Variants in SLC28A1 observed in about 807,000 individuals in gnomAD.
SLC28A1 encodes the protein sodium/nucleoside cotransporter 1.
A neutral mutation model predicts 74.8 loss-of-function variants in SLC28A1; 64 were observed. The ratio of observed to expected loss-of-function variants is 0.86; its 90% CI spans 0.70 to 1.05. The LOEUF is 1.05. SLC28A1 is among the 50% of genes least tolerant of loss of function. SLC28A1 has a pLI of 0.00. For missense variants in SLC28A1, 828 were observed against 822.8 expected (o/e 1.01, Z -0.08); for synonymous variants, 359 against 335.0 (o/e 1.07, Z -0.78).
chr15:84,920,139 TCTTGATTAAAAAGA>T (rs1197862832), intron 10 of SLC28A1, among the ~76,000 whole-genome samples: 1 of 152,122 alleles, frequency 6.6e-6, no homozygotes, highest in African/African-American at 2.4e-5. Context: ...GCAGATTTCA[TCTTGATTAAAAAGA>T]AGAGCTTTCT....
chr15:84,912,807 C>CGCGCGT (rs397966761), intron 9 of SLC28A1, among the ~76,000 whole-genome samples: 1 of 9,076 alleles, frequency 1.1e-4, no homozygotes, highest in Non-Finnish European at 3.8e-4. Context: ...TGCGCGCGCG[C>CGCGCGT]ACACACACAC....
At chr15:84,898,795 C>T (rs867855394) in intron 6 of SLC28A1, among the ~76,000 whole-genome samples, 1 of 152,072 alleles carries the variant, frequency 6.6e-6, no homozygotes. Context: ...CAGCTGACTG[C>T]CTGGAGAGCG....
At chr15:84,950,451 C>T (rs537399948), downstream of SLC28A1, among the ~76,000 whole-genome samples, 33 of 150,832 alleles carry the variant, frequency 2.2e-4, no homozygotes, top group Admixed American at 9.9e-4. Context: ...CAGCTAGGCG[C>T]GGTAGCTCAG....
Position 84,945,249 on chromosome 15 carries a change from G to A in SLC28A1, c.*49G>A, listed in dbSNP as rs147004206. ...GCGCTTCTGAGGGCTGTTCTCCCCC[G>A]GGAACCATCTGTCCCCACCTTCCCT... is the stretch of plus-strand genomic sequence containing the variant. On this transcript the variant is annotated 3_prime_UTR_variant, in exon 19 of 19. Coordinates refer to ENST00000394573, the MANE Select transcript of SLC28A1 (RefSeq NM_004213.5). 40 of 1,558,494 alleles carry A rather than the reference G, an allele frequency of 2.6e-5. No homozygotes were observed. The Middle Eastern group carries it at 5.0e-4, about 20-fold the overall frequency.
chr15:84,888,401 C>T (rs1280139240), intron 3 of SLC28A1, among the ~76,000 whole-genome samples: 2 of 140,742 alleles, frequency 1.4e-5, no homozygotes, highest in African/African-American at 2.5e-5. Flanking sequence ...GAATACCCAC[C>T]CCCCACCCAA....
the SLC28A1 span, among the ~76,000 whole-genome samples, chr15:84,974,714 A>G: frequency 2.0e-5 from 3 of 152,280 alleles, no homozygotes; most frequent in South Asian, 4.1e-4. Context: ...TTGTCCAGAT[A>G]TGGATTCCAT....
the SLC28A1 span, among the ~76,000 whole-genome samples, chr15:84,967,355 C>T: frequency 1.3e-5 from 2 of 152,194 alleles, no homozygotes; most frequent in African/African-American, 2.4e-5. Context: ...AAGGCTTCAG[C>T]CTGAGTGGTT....
intron 6 of SLC28A1, among the ~76,000 whole-genome samples, chr15:84,903,209 C>T (rs148192892): frequency 3.9e-5 from 6 of 152,318 alleles, no homozygotes; most frequent in African/African-American, 7.2e-5. Flanking sequence ...TTCAGCTCTT[C>T]GATCTCCTGC....
intron 6 of SLC28A1, among the ~76,000 whole-genome samples, chr15:84,901,087 T>G (rs1001961265): frequency 1.3e-5 from 2 of 152,156 alleles, no homozygotes; most frequent in African/African-American, 4.8e-5. Context: ...CTGGGCGTAG[T>G]GGCGCACACC....
At chr15:84,965,320 G>A in the SLC28A1 span, among the ~76,000 whole-genome samples, 1 of 152,180 alleles carries the variant, frequency 6.6e-6, no homozygotes, top group Non-Finnish European at 1.5e-5. Flanking sequence ...AGAACTGTGA[G>A]TCAATTAAAC....
At chr15:84,950,129 A>G (rs573443016), downstream of SLC28A1, among the ~76,000 whole-genome samples, 1 of 152,304 alleles carries the variant, frequency 6.6e-6, no homozygotes, top group Admixed American at 6.5e-5. Flanking sequence ...TTTAGGAAAG[A>G]GACTCTGCAA....
rs1017863011 is a variant in SLC28A1, at chr15:84,935,423, A to T, written c.1486A>T (p.Asn496Tyr). Residue 496 changes from asparagine (N) to tyrosine (Y), a missense_variant, in exon 15 of 19, where the codon AAC becomes TAC. Coordinates refer to ENST00000394573, the MANE Select transcript of SLC28A1 (RefSeq NM_004213.5). ...AELLGIKLFL[N>Y]EFVAYQDLSK... ...GCTGCTGGGGATCAAGCTGTTTCTGAACGAGTTTGTGGCCTATCAAGACCT... is the reference window on the plus strand; with the variant it reads ...GCTGCTGGGGATCAAGCTGTTTCTGTACGAGTTTGTGGCCTATCAAGACCT... 3 of 1,614,050 alleles carry T rather than the reference A, an allele frequency of 1.9e-6. No homozygotes were observed. In the African/African-American group the frequency reaches 4.0e-5, roughly 22 times the overall value.
intron 6 of SLC28A1, among the ~76,000 whole-genome samples, chr15:84,898,308 G>T (rs1442627383): frequency 1.3e-5 from 2 of 152,168 alleles, no homozygotes; most frequent in Non-Finnish European, 2.9e-5. Flanking sequence ...GTCGGGTGCG[G>T]TGGCTCACGC....
chr15:84,889,605 G>C (rs1314831674), intron 4 of SLC28A1, among the ~76,000 whole-genome samples: 1 of 152,088 alleles, frequency 6.6e-6, no homozygotes. Context: ...TGAACGACAG[G>C]GGAGGGGAGG....
intron 1 of SLC28A1, chr15:84,886,356 T>A: frequency 1.0e-6 from 1 of 984,680 alleles, no homozygotes; most frequent in Non-Finnish European, 1.2e-6. Context: ...ACAGCCTGGC[T>A]GGGGAAAGGA....
intron 6 of SLC28A1, 51 bp from the exon 7 acceptor site, chr15:84,904,046 G>T (rs775378323): frequency 6.2e-7 from 1 of 1,612,340 alleles, no homozygotes. Context: ...GTGTGTGGGT[G>T]GGGTGGGGGT....
At chr15:84,911,858 CAA>C (rs57067372) in intron 9 of SLC28A1, among the ~76,000 whole-genome samples, 50,456 of 113,702 alleles carry the variant, frequency 0.44, 9,990 homozygotes, top group Middle Eastern at 0.54. Context: ...GACTCCATCT[CAA>C]AAAAAAAAAA....
chr15:84,900,560 A>G (rs1966570834), intron 6 of SLC28A1, among the ~76,000 whole-genome samples: 1 of 152,102 alleles, frequency 6.6e-6, no homozygotes, highest in African/African-American at 2.4e-5. Context: ...GCACTTTGTG[A>G]GGCTGAGCTA....
At chr15:84,951,466 G>A in the SLC28A1 span, among the ~76,000 whole-genome samples, 1 of 151,768 alleles carries the variant, frequency 6.6e-6, no homozygotes. Context: ...AGGAGTCTGG[G>A]GTCCTGATGT....
Sources: gnomAD v4.1 joint callset for allele counts (sites outside exome capture counted in the v4.1 genomes callset) on GRCh38, gnomAD v4.1.1 for gene constraint, MANE v1.5 for transcripts, NCBI Gene and HGNC (gene_info 2026-07-23, HGNC 2026-07-21) for gene names.